Variants in MCC observed in about 807,000 individuals in gnomAD.
The protein encoded by MCC is colorectal mutant cancer protein.
MCC carries 90 observed loss-of-function variants against 116.2 expected under a neutral mutation model. That is an observed-to-expected ratio of 0.77 (90% confidence interval 0.65 to 0.92). MCC has a LOEUF of 0.92. Among genes scored for constraint, MCC ranks in the 40% least tolerant of loss-of-function variants. The pLI, the probability that MCC is intolerant of heterozygous loss-of-function variation, is 0.00. For missense variants in MCC, 1,516 were observed against 1,312.2 expected, an observed-to-expected ratio of 1.16 and a Z score of -2.40; for synonymous variants, 578 against 510.5, an observed-to-expected ratio of 1.13 and a Z score of -1.78.
intron 6 of MCC, among the ~76,000 whole-genome samples, chr5:113,113,589 C>A (rs754313181): frequency 9.0e-5 from 13 of 143,686 alleles, no homozygotes; most frequent in Non-Finnish European, 1.6e-4. Flanking sequence ...AATGGACAAA[C>A]TGACATTAGG....
chr5:113,383,066 T>C (rs1205252496), intron 2 of MCC, among the ~76,000 whole-genome samples: 16 of 152,232 alleles, frequency 1.1e-4, no homozygotes, highest in Admixed American at 9.2e-4. Flanking sequence ...TCAAACCAAT[T>C]AGATGTGTGC....
chr5:113,470,551 G>A (rs1419278130), intron 1 of MCC, among the ~76,000 whole-genome samples: 1 of 152,190 alleles, frequency 6.6e-6, no homozygotes, highest in Non-Finnish European at 1.5e-5. Context: ...CGAGAGATCA[G>A]CTGTTAGTCT....
rs181914145 is a variant in MCC at position 113,333,646 on chromosome 5, A to G, written c.627+6873T>C. On this transcript the variant is annotated intron_variant, in intron 3 of 18. Transcript: ENST00000408903. Reference sequence around the variant, plus strand: ...TACAGACATTACCATCTTCATCTGCATAGAAATGAGTCTGACTGTGTTTAC... The same window carrying G: ...TACAGACATTACCATCTTCATCTGCGTAGAAATGAGTCTGACTGTGTTTAC... Among the ~76,000 whole-genome samples, 189 of 150,700 alleles carry G rather than the reference A, an allele frequency of 1.3e-3. 10 individuals carry two copies. The highest frequency in any genetic ancestry group is 3.7e-3 in the African/African-American group (151 of 40,368).
chr5:113,449,159 G>C (rs994528029), intron 1 of MCC, among the ~76,000 whole-genome samples: 17 of 152,118 alleles, frequency 1.1e-4, no homozygotes, highest in Admixed American at 1.0e-3. Context: ...AATATCCTTG[G>C]GTCAGAGAAG....
intron 1 of MCC, among the ~76,000 whole-genome samples, chr5:113,444,022 T>TGTGTGTG (rs1554084179): frequency 2.0e-5 from 3 of 151,544 alleles, no homozygotes; most frequent in African/African-American, 7.3e-5. Flanking sequence ...TGTGTGTGTG[T>TGTGTGTG]TTAGTAGAGA....
intron 6 of MCC, among the ~76,000 whole-genome samples, chr5:113,105,894 A>T (rs1305920093): frequency 6.6e-6 from 1 of 152,224 alleles, no homozygotes; most frequent in Non-Finnish European, 1.5e-5. Flanking sequence ...AAAACTCTGC[A>T]TGATCAAGAC....
intron 13 of MCC, among the ~76,000 whole-genome samples, chr5:113,065,450 A>G (rs1395602795): frequency 1.3e-5 from 2 of 152,238 alleles, no homozygotes; most frequent in Non-Finnish European, 2.9e-5. Context: ...GCACAGATCC[A>G]TGCTTTTCCA....
chr5:113,432,395 G>A (rs1770686430), intron 1 of MCC, among the ~76,000 whole-genome samples: 1 of 151,120 alleles, frequency 6.6e-6, no homozygotes, highest in Non-Finnish European at 1.5e-5. Context: ...GAGTGTACCT[G>A]GGCTTTAACC....
chr5:113,484,934 AC>A (rs1253991649), intron 1 of MCC, among the ~76,000 whole-genome samples: 2 of 152,226 alleles, frequency 1.3e-5, no homozygotes, highest in African/African-American at 4.8e-5. Context: ...GAAAGAGCTT[AC>A]GGTGGTCTCA....
At chr5:113,465,866 T>C (rs894674489) in intron 1 of MCC, among the ~76,000 whole-genome samples, 9 of 152,258 alleles carry the variant, frequency 5.9e-5, no homozygotes, top group Admixed American at 2.6e-4. Context: ...TGTTACTGAA[T>C]AGATAAGAAA....
At chr5:113,361,099 T>A (rs953784636) in intron 2 of MCC, among the ~76,000 whole-genome samples, 4 of 152,352 alleles carry the variant, frequency 2.6e-5, no homozygotes, top group Admixed American at 2.6e-4. Flanking sequence ...CTTCCTAGAC[T>A]CCATGCTTTA....
intron 7 of MCC, among the ~76,000 whole-genome samples, chr5:113,103,154 AAAG>A (rs1405677561): frequency 1.3e-5 from 2 of 152,192 alleles, no homozygotes; most frequent in Non-Finnish European, 2.9e-5. Flanking sequence ...AAAGAAAAGA[AAAG>A]AAACAGAACG....
At chr5:113,445,182 G>A (rs759156235) in intron 1 of MCC, among the ~76,000 whole-genome samples, 9 of 152,098 alleles carry the variant, frequency 5.9e-5, no homozygotes, top group Non-Finnish European at 8.8e-5. Context: ...TGGGTTTAGG[G>A]CACCAGATCT....
intron 3 of MCC, among the ~76,000 whole-genome samples, chr5:113,237,629 G>A (rs973690791): frequency 1.3e-5 from 2 of 152,112 alleles, no homozygotes; most frequent in African/African-American, 2.4e-5. Context: ...AAAACGGGCC[G>A]GCTGTATTTT....
intron 3 of MCC, among the ~76,000 whole-genome samples, chr5:113,317,391 T>C (rs1767311284): frequency 6.6e-6 from 1 of 152,238 alleles, no homozygotes; most frequent in Admixed American, 6.5e-5. Context: ...AGTGAGTTTA[T>C]TGCATTACAT....
intron 3 of MCC, among the ~76,000 whole-genome samples, chr5:113,308,144 T>A (rs1003583913): frequency 3.9e-5 from 6 of 152,068 alleles, no homozygotes; most frequent in Non-Finnish European, 4.4e-5. Context: ...AGCTAATTTT[T>A]TATATATATT....
At chr5:113,275,591 A>G (rs1234235846) in intron 3 of MCC, among the ~76,000 whole-genome samples, 1 of 152,220 alleles carries the variant, frequency 6.6e-6, no homozygotes, top group Non-Finnish European at 1.5e-5. Flanking sequence ...TCATGCAGAG[A>G]CAGGTATAGC....
chr5:113,363,475 A>T (rs1276311084), intron 2 of MCC, among the ~76,000 whole-genome samples: 2 of 152,128 alleles, frequency 1.3e-5, no homozygotes, highest in Non-Finnish European at 2.9e-5. Context: ...CAGCCTCAGC[A>T]AAAGGAAGAG....
At chr5:113,424,132 TACAC>T (rs547192248) in intron 1 of MCC, among the ~76,000 whole-genome samples, 7,547 of 112,476 alleles carry the variant, frequency 0.067, 325 homozygotes, top group African/African-American at 0.15. Context: ...AGTCATCCTC[TACAC>T]ACACACACAC....
Sources: allele counts gnomAD v4.1 joint callset (sites outside exome capture counted in the v4.1 genomes callset), GRCh38; gene constraint gnomAD v4.1.1; transcripts MANE v1.5; gene names NCBI Gene and HGNC (gene_info 2026-07-23, HGNC 2026-07-21).